SETD2: variants seen among roughly 807,000 people sequenced by gnomAD.
SETD2 encodes SET domain containing 2, histone lysine methyltransferase, also known as histone-lysine N-methyltransferase SETD2.
Under a neutral mutation model 242.1 loss-of-function variants are expected in SETD2, and 31 were observed. The observed-to-expected ratio is 0.13, with a 90% confidence interval of 0.10 to 0.17. The LOEUF is 0.17. Among genes scored for constraint, SETD2 ranks in the 10% least tolerant of loss-of-function variants. The pLI is 1.00. For missense variants in SETD2, 2,481 were observed against 3,046.3 expected, an observed-to-expected ratio of 0.81 and a Z score of 4.37; for synonymous variants, 1,006 against 1,066.5, an observed-to-expected ratio of 0.94 and a Z score of 1.11.
rs139879059 is a variant in SETD2 at position 47,101,544 on chromosome 3, G to C, written c.4929C>G (p.Asn1643Lys). Residue 1643 changes from asparagine (N) to lysine (K), a missense_variant, in exon 8 of 21, where the codon AAC (asparagine) becomes AAG (lysine). Asn to Lys is a moderately conservative substitution (Grantham distance 94). Around this residue, in one of 17 missense-constraint regions of SETD2, gnomAD observed 61 missense variants for 221.4 expected, o/e 0.28. Transcript: ENST00000409792. ...PNCETQKWTV[N>K]GQLRVGFFTT... ...TAAAAAACCCAACCCTCAGTTGTCC[G>C]TTCACAGTCCACTGAGATGATGTTT... is the stretch of plus-strand genomic sequence containing the variant. The C allele has an allele frequency of 6.2e-7, 1 of 1,608,366 alleles. No individual in the cohort carries two copies. The highest frequency in any genetic ancestry group is 8.5e-7 in the Non-Finnish European group (1 of 1,175,340).
At position 47,084,037 on chromosome 3, in the gene SETD2, C is replaced by G. The variant is rs755706240; in HGVS notation, c.5743G>C (p.Val1915Leu). 3.1e-6 allele frequency: 5 copies of G among 1,614,056 alleles called. No homozygotes were observed. The highest frequency in any genetic ancestry group is 4.2e-6 in the Non-Finnish European group (5 of 1,180,036). ...GKEDLDQLEN[V>L]PVEEEEELQS... The stretch of plus-strand genomic sequence containing the variant: ...AATTCTTCCTCTTCCTCTACAGGGA[C>G]ATTTTCTAATTGATCAAGATCCTCT... Residue 1915 changes from valine (V) to leucine (L), a missense_variant, in exon 12 of 21, where the codon GTC becomes CTC. Val to Leu is a conservative substitution (Grantham distance 32, BLOSUM62 1). Transcript: ENST00000409792.
intron 2 of SETD2, 44 bp from the exon 3 acceptor site, chr3:47,124,592 T>G (rs953740327): frequency 6.9e-7 from 1 of 1,459,776 alleles, no homozygotes; most frequent in Non-Finnish European, 9.2e-7. Flanking sequence ...AATAAATAGT[T>G]ACTTTCAAAT....
chr3:47,022,105 G>A (rs577555167), intron 18 of SETD2, among the ~76,000 whole-genome samples: 2 of 151,108 alleles, frequency 1.3e-5, no homozygotes, highest in Non-Finnish European at 3.0e-5. Context: ...TGAGGCAGGA[G>A]AATCGTTTGA....
At chr3:47,094,978 A>G (rs896925592) in intron 9 of SETD2, among the ~76,000 whole-genome samples, 12 of 152,192 alleles carry the variant, frequency 7.9e-5, no homozygotes, top group Non-Finnish European at 1.8e-4. Context: ...TTATCCTTAA[A>G]TCTTCTCAGA....
intron 16 of SETD2, 118 bp from the exon 17 acceptor site, chr3:47,042,818 A>G: frequency 1.1e-6 from 1 of 939,688 alleles, no homozygotes; most frequent in Non-Finnish European, 1.6e-6. Flanking sequence ...TAAAAAAAGG[A>G]TAAAGGAAAG....
intron 12 of SETD2, among the ~76,000 whole-genome samples, chr3:47,072,273 A>T (rs1245402166): frequency 6.6e-6 from 1 of 152,168 alleles, no homozygotes; most frequent in Non-Finnish European, 1.5e-5. Flanking sequence ...ACGCCACTGC[A>T]CTTCAGCCTG....
At chr3:47,021,546 C>G (rs2038220010) in intron 18 of SETD2, among the ~76,000 whole-genome samples, 1 of 152,086 alleles carries the variant, frequency 6.6e-6, no homozygotes, top group Non-Finnish European at 1.5e-5. Flanking sequence ...TGTCTAGGAG[C>G]TTTCTTGGTC....
rs1559672400 is a variant in SETD2, at chr3:47,056,874, T to C, written c.6910A>G (p.Thr2304Ala). The C allele has an allele frequency of 3.1e-6, 5 of 1,613,982 alleles. No homozygotes were observed. Among genetic ancestry groups the C allele is most frequent in the East Asian group, 2.2e-5 (1 of 44,898 alleles). The change falls in exon 15 of 21, where the codon ACA becomes GCA. Residue 2304 changes from threonine (T) to alanine (A), a missense_variant. This residue lies in a region of SETD2 where 235 missense variants were observed against 293.9 expected (regional missense o/e 0.80). Coordinates refer to ENST00000409792, the MANE Select transcript of SETD2 (RefSeq NM_014159.7). ...TIYYQGQTCP[T>A]VYGVTSPYSQ... Reference sequence around the variant, plus strand: ...TAAGGTGATGTCACACCATAGACTGTTGGACATGTCTGTCCTTGATAATAT... The same window carrying C: ...TAAGGTGATGTCACACCATAGACTGCTGGACATGTCTGTCCTTGATAATAT...
chr3:47,046,447 T>C lies in SETD2; in HGVS notation c.7098+40A>G, dbSNP rs779608815. The stretch of plus-strand genomic sequence containing the variant: ...AAAAGAAAACCTTCCAAAGACAAAG[T>C]AGACAGCCAATGAGTTTTAACAACT... On this transcript the variant is annotated intron_variant, in intron 16 of 20. Transcript: ENST00000409792. 5 of 1,498,102 alleles carry C rather than the reference T, an allele frequency of 3.3e-6. No homozygotes were observed. The South Asian group carries it at 4.2e-5, about 13-fold the overall frequency. 92.8% of individuals were successfully genotyped at this position (1,498,102 alleles called of 1,614,324 possible).
At chr3:47,086,013 C>T (rs2041539713) in intron 11 of SETD2, among the ~76,000 whole-genome samples, 182 bp downstream of exon 11, 2 of 152,270 alleles carry the variant, frequency 1.3e-5, no homozygotes, top group South Asian at 4.1e-4. Context: ...GGACAAACTA[C>T]TAACAAGGTG....
At position 47,016,694 on chromosome 3, in the gene SETD2, C is replaced by T; in HGVS notation, c.*399G>A. The T allele has an allele frequency of 4.2e-6, 1 of 239,308 alleles. No individual in the cohort carries two copies. 14.8% of individuals were successfully genotyped at this position (239,308 alleles called of 1,614,324 possible). A position where few individuals can be genotyped will look rare whatever the true frequency, so the allele number is the denominator to read the frequency against. ...AAACCAAACAAAAACCAGGAAAAAA[C>T]AAATTATTTTCAATATATTCACATA... On this transcript the variant is annotated 3_prime_UTR_variant, in exon 21 of 21. Coordinates refer to ENST00000409792, the MANE Select transcript of SETD2 (RefSeq NM_014159.7).
chr3:47,113,848 AG>A, intron 5 of SETD2, 27 bp downstream of exon 5: 1 of 1,603,010 alleles, frequency 6.2e-7, no homozygotes, highest in Non-Finnish European at 8.5e-7. Context: ...CAAAAAAGGA[AG>A]TGAAAGGTAA....
At chr3:47,046,794 C>T (rs1008862128) in intron 15 of SETD2, 173 bp from the exon 16 acceptor site, 44 of 392,806 alleles carry the variant, frequency 1.1e-4, no homozygotes, top group African/African-American at 8.1e-4. Flanking sequence ...CCCAAAGTTT[C>T]TTTTTTTACT....
chr3:47,017,820 G>A lies in SETD2; in HGVS notation c.7432-81C>T, dbSNP rs1405106894. On this transcript the variant is annotated intron_variant, in intron 19 of 20. Coordinates refer to ENST00000409792, the MANE Select transcript of SETD2 (RefSeq NM_014159.7). The surrounding 1 kb of genome is among the most constrained non-coding windows in gnomAD (Gnocchi z 4.8). ...TGTACTGAGGAAATAACTAGAAAAG[G>A]TAGTGAGTAAAGCCAGCCAATCCTT... 4 of 1,022,030 alleles carry A rather than the reference G, an allele frequency of 3.9e-6. No individual in the cohort carries two copies. Among genetic ancestry groups the A allele is most frequent in the African/African-American group, 3.2e-5 (2 of 63,448 alleles). 63.3% of individuals were successfully genotyped at this position (1,022,030 alleles called of 1,614,324 possible).
intron 8 of SETD2, among the ~76,000 whole-genome samples, chr3:47,099,430 G>A (rs1219808707): frequency 6.6e-6 from 1 of 152,018 alleles, no homozygotes; most frequent in Non-Finnish European, 1.5e-5. Context: ...TCTTGCATAG[G>A]TCACTGGTCC....
chr3:47,060,949 C>G (rs940350451), intron 14 of SETD2, among the ~76,000 whole-genome samples: 1 of 152,042 alleles, frequency 6.6e-6, no homozygotes, highest in East Asian at 1.9e-4. Context: ...AACAGCCAGG[C>G]GCAGTGGCTC....
At chr3:47,096,162 G>A (rs988873644) in intron 9 of SETD2, among the ~76,000 whole-genome samples, 2 of 152,178 alleles carry the variant, frequency 1.3e-5, no homozygotes, top group African/African-American at 2.4e-5. Context: ...GGTAGGAGGG[G>A]ACTCCACTCT....
chr3:47,079,159 G>A (rs2041225674), intron 12 of SETD2, among the ~76,000 whole-genome samples: 1 of 152,126 alleles, frequency 6.6e-6, no homozygotes, highest in Admixed American at 6.5e-5. Flanking sequence ...TGTTCTTGCA[G>A]TTTTTCATTG....
chr3:47,140,793 G>T (rs996014929), intron 1 of SETD2, among the ~76,000 whole-genome samples: 1 of 152,146 alleles, frequency 6.6e-6, no homozygotes, highest in African/African-American at 2.4e-5. Context: ...TCCCAGTGGG[G>T]TGGAGGTTGC....
Sources: gnomAD v4.1 joint callset for allele counts (sites outside exome capture counted in the v4.1 genomes callset) on GRCh38, gnomAD v4.1.1 for gene constraint, gnomAD v4.1.1 regional missense constraint, Gnocchi (gnomAD v3.1) non-coding constraint, MANE v1.5 for transcripts, NCBI Gene and HGNC (gene_info 2026-07-23, HGNC 2026-07-21) for gene names.